The following FSTL5 variants were observed in gnomAD, a reference collection of about 807,000 sequenced individuals.
FSTL5 encodes follistatin like 5, also known as follistatin-related protein 5.
Under a neutral mutation model 89.1 loss-of-function variants are expected in FSTL5, and 62 were observed. The observed-to-expected ratio is 0.70, with a 90% CI of 0.57 to 0.86. FSTL5 has a LOEUF of 0.86. Among genes scored for constraint, FSTL5 ranks in the 40% least tolerant of loss-of-function variants. The pLI, the probability that FSTL5 is intolerant of heterozygous loss-of-function variation, is 0.00. For synonymous variants in FSTL5, 383 were observed against 346.2 expected, an observed-to-expected ratio of 1.11 and a Z score of -1.18; for missense variants, 1,057 against 1,001.6, an observed-to-expected ratio of 1.06 and a Z score of -0.75.
intron 4 of FSTL5, 129 bp from the exon 5 acceptor site, chr4:161,776,203 G>A (rs940178398): frequency 4.0e-6 from 2 of 495,894 alleles, no homozygotes; most frequent in African/African-American, 2.0e-5. Context: ...GGTGTTTTAC[G>A]ATTTACAACT....
chr4:161,739,028 T>C (rs2126769510), intron 6 of FSTL5, among the ~76,000 whole-genome samples: 1 of 152,352 alleles, frequency 6.6e-6, no homozygotes. Context: ...CTTATTTTTG[T>C]ACACATAATT....
chr4:161,788,350 A>T (rs530590378), intron 4 of FSTL5, among the ~76,000 whole-genome samples: 58 of 152,210 alleles, frequency 3.8e-4, no homozygotes, highest in African/African-American at 1.4e-3. Context: ...AGAACACCAG[A>T]GCTTATTCCT....
At chr4:161,403,005 A>G (rs369148161) in intron 15 of FSTL5, among the ~76,000 whole-genome samples, 9 of 151,490 alleles carry the variant, frequency 5.9e-5, no homozygotes, top group African/African-American at 2.2e-4. Flanking sequence ...TTTTGTTTGT[A>G]TTTTTAGTAG....
At chr4:161,895,280 T>A (rs927573558) in intron 4 of FSTL5, among the ~76,000 whole-genome samples, 2 of 152,210 alleles carry the variant, frequency 1.3e-5, no homozygotes, top group Non-Finnish European at 2.9e-5. Context: ...GAAAAAATAA[T>A]GTATGTTTAC....
chr4:161,845,489 G>T (rs1321512148), intron 4 of FSTL5, among the ~76,000 whole-genome samples: 3 of 152,138 alleles, frequency 2.0e-5, no homozygotes, highest in Non-Finnish European at 4.4e-5. Flanking sequence ...TATTATCAAG[G>T]TTGATTACTC....
intron 7 of FSTL5, among the ~76,000 whole-genome samples, chr4:161,654,248 C>G (rs1389409047): frequency 6.6e-6 from 1 of 152,082 alleles, no homozygotes. Flanking sequence ...CATATACTTT[C>G]AAATTATTCT....
At chr4:162,034,269 C>G (rs578002149) in intron 2 of FSTL5, among the ~76,000 whole-genome samples, 1 of 152,196 alleles carries the variant, frequency 6.6e-6, no homozygotes, top group East Asian at 1.9e-4. Flanking sequence ...TTAATTCTAA[C>G]AGATATTAAA....
intron 3 of FSTL5, among the ~76,000 whole-genome samples, chr4:161,975,799 TAAA>T: frequency 9.2e-6 from 1 of 108,888 alleles, no homozygotes; most frequent in East Asian, 2.5e-4. Context: ...TAAAATAAAA[TAAA>T]AAATAAATAA....
chr4:161,877,184 G>GAA (rs5863494), intron 4 of FSTL5, among the ~76,000 whole-genome samples: 64 of 127,284 alleles, frequency 5.0e-4, no homozygotes, highest in East Asian at 1.6e-3. Context: ...ACTCTGTCTC[G>GAA]AAAAAAAAAA....
At chr4:161,611,053 C>T (rs1734616683) in intron 7 of FSTL5, among the ~76,000 whole-genome samples, 1 of 150,854 alleles carries the variant, frequency 6.6e-6, no homozygotes, top group African/African-American at 2.4e-5. Context: ...AGAGAATAAA[C>T]TGAGACACAG....
chr4:161,813,701 C>T (rs976657915), intron 4 of FSTL5, among the ~76,000 whole-genome samples: 3 of 152,076 alleles, frequency 2.0e-5, no homozygotes, highest in African/African-American at 7.2e-5. Context: ...ATCTAAATGA[C>T]GTCCTTGAAA....
chr4:161,818,802 C>T (rs1479170065), intron 4 of FSTL5, among the ~76,000 whole-genome samples: 1 of 152,164 alleles, frequency 6.6e-6, no homozygotes, highest in Non-Finnish European at 1.5e-5. Flanking sequence ...GTAATTATAA[C>T]AACCTTCACA....
At chr4:161,437,354 C>T (rs1732592773) in intron 15 of FSTL5, among the ~76,000 whole-genome samples, 1 of 151,870 alleles carries the variant, frequency 6.6e-6, no homozygotes, top group South Asian at 2.1e-4. Flanking sequence ...ATTACGAGGT[C>T]AGGAGATCGA....
chr4:161,918,936 C>T (rs1374200516), intron 4 of FSTL5, among the ~76,000 whole-genome samples: 1 of 152,084 alleles, frequency 6.6e-6, no homozygotes, highest in Non-Finnish European at 1.5e-5. Context: ...AGCCACCATG[C>T]CAGGACCCCA....
At chr4:162,013,929 G>A (rs1736842702) in intron 3 of FSTL5, among the ~76,000 whole-genome samples, 1 of 152,022 alleles carries the variant, frequency 6.6e-6, no homozygotes, top group African/African-American at 2.4e-5. Context: ...TAAACATCCT[G>A]GATTTAAGCA....
chr4:161,860,449 A>AT (rs1362891296), intron 4 of FSTL5, among the ~76,000 whole-genome samples: 1 of 152,224 alleles, frequency 6.6e-6, no homozygotes, highest in Non-Finnish European at 1.5e-5. Flanking sequence ...GCTTTGAAGA[A>AT]TTCAAAGGTA....
intron 3 of FSTL5, among the ~76,000 whole-genome samples, chr4:161,963,452 A>T (rs1735237723): frequency 6.6e-6 from 1 of 151,926 alleles, no homozygotes; most frequent in African/African-American, 2.4e-5. Flanking sequence ...GAAATACTAC[A>T]GTAACCTTGG....
intron 1 of FSTL5, among the ~76,000 whole-genome samples, chr4:162,119,945 A>G (rs181711637): frequency 6.6e-6 from 1 of 152,296 alleles, no homozygotes; most frequent in East Asian, 1.9e-4. Flanking sequence ...GAAAGATTAC[A>G]ACATACACAG....
At chr4:161,852,661 T>C (rs1430540655) in intron 4 of FSTL5, among the ~76,000 whole-genome samples, 1 of 152,186 alleles carries the variant, frequency 6.6e-6, no homozygotes, top group Non-Finnish European at 1.5e-5. Context: ...TATGTGAATC[T>C]GTATGTTTAT....
Sources: allele counts gnomAD v4.1 joint callset (sites outside exome capture counted in the v4.1 genomes callset), GRCh38; gene constraint gnomAD v4.1.1; transcripts MANE v1.5; gene names NCBI Gene and HGNC (gene_info 2026-07-23, HGNC 2026-07-21).